Variants in CNTNAP5 observed in about 807,000 individuals in gnomAD.
CNTNAP5 encodes contactin associated protein family member 5, also known as contactin-associated protein-like 5.
Under a neutral mutation model 150.2 loss-of-function variants are expected in CNTNAP5, and 72 were observed. That is an observed-to-expected ratio of 0.48 (90% CI 0.40 to 0.58). The LOEUF is 0.58. Ranked by LOEUF, CNTNAP5 falls within the 20% of genes least tolerant of loss-of-function variation. The pLI is 0.00. For synonymous variants in CNTNAP5, 672 were observed against 619.8 expected (o/e 1.08, Z -1.25); for missense variants, 1,636 against 1,626.2 (o/e 1.01, Z -0.10).
At position 124,029,570 on chromosome 2, in the gene CNTNAP5, T is replaced by A. The variant is rs527621744; in HGVS notation, c.82+3838T>A. 7.9e-5 allele frequency among the ~76,000 whole-genome samples: 12 copies of A among 152,166 alleles called. No individual in the cohort carries two copies. In the South Asian group the frequency reaches 2.1e-3, roughly 26 times the overall value. On this transcript the variant is annotated intron_variant, in intron 1 of 23. Transcript: ENST00000682447. Reference sequence around the variant, plus strand: ...ACACAAGTTCAAAATTATGAAAAAATTAGTTTTATTACGAAAACCTTACTC... The same window carrying A: ...ACACAAGTTCAAAATTATGAAAAAAATAGTTTTATTACGAAAACCTTACTC...
intron 3 of CNTNAP5, among the ~76,000 whole-genome samples, chr2:124,323,931 T>G (rs983986211): frequency 6.6e-6 from 1 of 151,950 alleles, no homozygotes; most frequent in Admixed American, 6.6e-5. Flanking sequence ...GCAATAGAGA[T>G]TTGAGGTTTT....
intron 11 of CNTNAP5, among the ~76,000 whole-genome samples, chr2:124,572,494 AG>A (rs1411582859): frequency 2.0e-5 from 3 of 152,224 alleles, no homozygotes; most frequent in African/African-American, 7.2e-5. Context: ...GTCTTCTTAA[AG>A]AAGAGATTGG....
At chr2:124,045,295 T>TG (rs1681499856) in intron 1 of CNTNAP5, among the ~76,000 whole-genome samples, 1 of 149,174 alleles carries the variant, frequency 6.7e-6, no homozygotes, top group African/African-American at 2.5e-5. Flanking sequence ...TTCTTTTCCT[T>TG]TTTTTTTTTT....
In CNTNAP5 at chr2:124,419,945, TTTC is replaced by T. The variant is rs1324745471; in HGVS notation, c.529+2358_529+2360del. Among the ~76,000 whole-genome samples, 399 of 123,270 alleles carry T rather than the reference TTTC, an allele frequency of 3.2e-3. 3 individuals carry two copies. The highest frequency in any genetic ancestry group is 7.1e-3 in the Middle Eastern group (2 of 280). 80.9% of individuals were successfully genotyped at this position (123,270 alleles called of 152,430 possible). ...CTTTCTTTCTTTCTTTCTTTCTTTCTTTCTTTCTTTCCTTTTCTCTCTCTCTCT... is the reference window on the plus strand; with the variant it reads ...CTTTCTTTCTTTCTTTCTTTCTTTCTTTTCTTTCCTTTTCTCTCTCTCTCT... On this transcript the variant is annotated intron_variant, in intron 4 of 23. Transcript: ENST00000682447.
intron 13 of CNTNAP5, among the ~76,000 whole-genome samples, chr2:124,685,993 T>C (rs1466948034): frequency 6.6e-6 from 1 of 152,122 alleles, no homozygotes; most frequent in African/African-American, 2.4e-5. Context: ...CTCACAGTTG[T>C]TTTGAAGCAA....
At chr2:124,734,426 C>T (rs1487270407) in intron 13 of CNTNAP5, among the ~76,000 whole-genome samples, 2 of 151,938 alleles carry the variant, frequency 1.3e-5, no homozygotes, top group East Asian at 3.9e-4. Context: ...AACTGAACCT[C>T]ACTGATATTT....
chr2:124,112,535 T>G (rs557514537), intron 1 of CNTNAP5, among the ~76,000 whole-genome samples: 1 of 152,282 alleles, frequency 6.6e-6, no homozygotes, highest in African/African-American at 2.4e-5. Context: ...TGAGCTCTCA[T>G]GTTGAGTTTA....
chr2:124,582,685 A>C (rs1696441902), intron 11 of CNTNAP5, among the ~76,000 whole-genome samples: 1 of 151,958 alleles, frequency 6.6e-6, no homozygotes, highest in Non-Finnish European at 1.5e-5. Flanking sequence ...TATATAATCC[A>C]TGAAAGTTTT....
chr2:124,683,913 G>A, intron 13 of CNTNAP5, among the ~76,000 whole-genome samples: 1 of 152,128 alleles, frequency 6.6e-6, no homozygotes. Context: ...GATGCCACTG[G>A]GAGGTAGTAA....
At chr2:124,750,897 T>A (rs1337241396) in intron 14 of CNTNAP5, among the ~76,000 whole-genome samples, 1 of 143,424 alleles carries the variant, frequency 7.0e-6, no homozygotes, top group Non-Finnish European at 1.5e-5. Context: ...GGCAGAAGAA[T>A]CACTTGAACC....
chr2:124,674,538 T>TCTTCCTTTCTTC (rs1202363400), intron 13 of CNTNAP5, among the ~76,000 whole-genome samples: 1 of 134,784 alleles, frequency 7.4e-6, no homozygotes. Context: ...TTTCTTTCTT[T>TCTTCCTTTCTTC]CTTTCTTTCT....
At chr2:124,840,535 T>G (rs1428691290) in intron 19 of CNTNAP5, among the ~76,000 whole-genome samples, 1 of 152,084 alleles carries the variant, frequency 6.6e-6, no homozygotes, top group Non-Finnish European at 1.5e-5. Context: ...TAGTAAGACA[T>G]GCTGGCTGGC....
At chr2:124,504,239 A>C in intron 7 of CNTNAP5, 53 bp from the exon 8 acceptor site, 1 of 1,567,328 alleles carries the variant, frequency 6.4e-7, no homozygotes, top group Non-Finnish European at 8.7e-7. Context: ...ATCAGCTGTC[A>C]GATTGCGGAA....
At chr2:124,097,955 G>A (rs879116680) in intron 1 of CNTNAP5, among the ~76,000 whole-genome samples, 2 of 152,188 alleles carry the variant, frequency 1.3e-5, no homozygotes, top group Non-Finnish European at 2.9e-5. Context: ...ATGAACCCGG[G>A]AGGCGGAGCT....
chr2:124,786,422 G>A (rs1354997447), intron 17 of CNTNAP5, among the ~76,000 whole-genome samples: 137 of 98,704 alleles, frequency 1.4e-3, no homozygotes, highest in Middle Eastern at 7.0e-3. Flanking sequence ...AAGGAAGGAA[G>A]GAAGGAAGGA....
chr2:124,906,668 G>A (rs760583307), intron 22 of CNTNAP5, among the ~76,000 whole-genome samples: 1 of 152,116 alleles, frequency 6.6e-6, no homozygotes, highest in Non-Finnish European at 1.5e-5. Flanking sequence ...TTTAGCCTGA[G>A]ATCTGTAGTG....
At chr2:124,083,752 T>C (rs1456185133) in intron 1 of CNTNAP5, among the ~76,000 whole-genome samples, 1 of 152,112 alleles carries the variant, frequency 6.6e-6, no homozygotes, top group African/African-American at 2.4e-5. Flanking sequence ...TTTTATTTTT[T>C]CTTCCTTCTT....
chr2:124,294,104 A>G (rs1316354295), intron 3 of CNTNAP5, among the ~76,000 whole-genome samples: 2 of 152,056 alleles, frequency 1.3e-5, no homozygotes, highest in African/African-American at 4.8e-5. Flanking sequence ...GATGTGTCTT[A>G]TTTGTCCCGA....
chr2:124,494,835 A>T (rs1018769155), intron 7 of CNTNAP5, among the ~76,000 whole-genome samples: 2 of 152,224 alleles, frequency 1.3e-5, no homozygotes, highest in Admixed American at 1.3e-4. Flanking sequence ...AATAGCAATT[A>T]CTGATCCTGA....
Sources: allele counts gnomAD v4.1 joint callset (sites outside exome capture counted in the v4.1 genomes callset), GRCh38; gene constraint gnomAD v4.1.1; transcripts MANE v1.5; gene names NCBI Gene and HGNC (gene_info 2026-07-23, HGNC 2026-07-21).